KCNQ5: variants seen among roughly 807,000 people sequenced by gnomAD.
KCNQ5 encodes the protein potassium voltage-gated channel subfamily KQT member 5.
Under a neutral mutation model 98.2 loss-of-function variants are expected in KCNQ5, and 30 were observed. That is an observed-to-expected ratio of 0.31 (90% CI 0.23 to 0.41). The LOEUF (loss-of-function observed/expected upper bound fraction) is 0.41, where lower values mean the gene tolerates loss of function less well. Ranked by LOEUF, KCNQ5 falls within the 10% of genes least tolerant of loss-of-function variation. The probability of loss-of-function intolerance (pLI) is 1.00; values close to 1 mark genes in which losing one functional copy is unlikely to be tolerated. For missense variants in KCNQ5, 835 were observed against 1,182.5 expected (o/e 0.71, Z 4.31); for synonymous variants, 458 against 449.4 (o/e 1.02, Z -0.24).
chr6:73,058,141 G>A (rs571424016), intron 3 of KCNQ5, among the ~76,000 whole-genome samples: 16 of 152,272 alleles, frequency 1.1e-4, no homozygotes, highest in Non-Finnish European at 1.3e-4. Flanking sequence ...GGCCGGGCAC[G>A]GTGGCTCACG....
At chr6:72,961,621 C>CA (rs56813781) in intron 1 of KCNQ5, among the ~76,000 whole-genome samples, 11,691 of 68,448 alleles carry the variant, frequency 0.17, 993 homozygotes, top group East Asian at 0.28. Context: ...GACTCCGTCT[C>CA]AAAAAAAAAA....
intron 1 of KCNQ5, among the ~76,000 whole-genome samples, chr6:72,847,253 C>T (rs1317712803): frequency 2.0e-5 from 3 of 152,180 alleles, no homozygotes; most frequent in Non-Finnish European, 4.4e-5. Flanking sequence ...CAATCTCCGC[C>T]TTGTGGGTTC....
chr6:72,775,740 C>A (rs116652352), intron 1 of KCNQ5, among the ~76,000 whole-genome samples: 2 of 152,142 alleles, frequency 1.3e-5, no homozygotes, highest in African/African-American at 4.8e-5. Context: ...AAACCCATAA[C>A]CCCAGTCCCA....
chr6:72,845,374 CT>C (rs1776975910), intron 1 of KCNQ5, among the ~76,000 whole-genome samples: 1 of 152,124 alleles, frequency 6.6e-6, no homozygotes. Flanking sequence ...TAGAAGAGAT[CT>C]TTTTAGAACA....
chr6:72,761,649 C>A (rs1772284511), intron 1 of KCNQ5, among the ~76,000 whole-genome samples: 1 of 151,348 alleles, frequency 6.6e-6, no homozygotes, highest in Non-Finnish European at 1.5e-5. Context: ...CTTTATATGT[C>A]ATTTTGTTTT....
chr6:72,912,487 A>G (rs1257781185), intron 1 of KCNQ5, among the ~76,000 whole-genome samples: 15 of 152,148 alleles, frequency 9.9e-5, no homozygotes, highest in Non-Finnish European at 2.9e-5. Flanking sequence ...AGAGGTTTCT[A>G]GCCTTGTGTA....
At position 73,031,782 on chromosome 6, in the gene KCNQ5, A is replaced by G. The variant is rs140350482; in HGVS notation, c.490-10154A>G. ...TGAATTCATGAAAAGCAGAACATCT[A>G]GAAATGAAGTCAACATTGCAGAGAA... is the stretch of plus-strand genomic sequence containing the variant. On this transcript the variant is annotated intron_variant, in intron 2 of 13. Transcript: ENST00000370398. Among the ~76,000 whole-genome samples the G allele has an allele frequency of 5.3e-5, 8 of 152,356 alleles. No homozygotes were observed. The East Asian group carries it at 1.3e-3, about 26-fold the overall frequency.
At chr6:72,972,791 T>A (rs553539468) in intron 1 of KCNQ5, among the ~76,000 whole-genome samples, 12 of 152,300 alleles carry the variant, frequency 7.9e-5, no homozygotes, top group Middle Eastern at 3.4e-3. Flanking sequence ...AAAGGCCTAA[T>A]CTCAGGGGCA....
At chr6:73,137,386 C>G (rs1776515458) in intron 10 of KCNQ5, among the ~76,000 whole-genome samples, 1 of 152,140 alleles carries the variant, frequency 6.6e-6, no homozygotes, top group African/African-American at 2.4e-5. Flanking sequence ...AAAGTAAACT[C>G]TAAAGGACTG....
intron 2 of KCNQ5, among the ~76,000 whole-genome samples, chr6:73,024,730 T>C (rs533708474): frequency 6.6e-6 from 1 of 152,320 alleles, no homozygotes; most frequent in East Asian, 1.9e-4. Context: ...GACTGACATT[T>C]CAGATGAACA....
At chr6:73,055,123 C>A (rs1288081087) in intron 3 of KCNQ5, 1 of 754,940 alleles carries the variant, frequency 1.3e-6, no homozygotes, top group African/African-American at 1.7e-5. Context: ...TGGTGCAGAT[C>A]CAGCACAGCG....
chr6:72,675,299 T>A (rs1767354674), intron 1 of KCNQ5, among the ~76,000 whole-genome samples: 2 of 152,168 alleles, frequency 1.3e-5, no homozygotes, highest in African/African-American at 4.8e-5. Context: ...ATACTTTCTA[T>A]CCAAGGGACT....
At chr6:72,981,791 C>T (rs1768469745) in intron 1 of KCNQ5, among the ~76,000 whole-genome samples, 1 of 152,128 alleles carries the variant, frequency 6.6e-6, no homozygotes. Context: ...CTCTTGTGGG[C>T]ATTTAGTGCT....
intron 12 of KCNQ5, among the ~76,000 whole-genome samples, chr6:73,191,960 T>C (rs1465373125): frequency 6.6e-6 from 1 of 152,208 alleles, no homozygotes; most frequent in East Asian, 1.9e-4. Context: ...TTCTGTAACA[T>C]CTGTAACATG....
At chr6:72,658,667 G>T (rs1265908971) in intron 1 of KCNQ5, among the ~76,000 whole-genome samples, 1 of 144,306 alleles carries the variant, frequency 6.9e-6, no homozygotes, top group Non-Finnish European at 1.5e-5. Context: ...TGCAACCTCC[G>T]TCTCTCGGGC....
chr6:72,971,962 A>G (rs1767922793), intron 1 of KCNQ5, among the ~76,000 whole-genome samples: 1 of 152,218 alleles, frequency 6.6e-6, no homozygotes, highest in South Asian at 2.1e-4. Flanking sequence ...CATTGTGCAC[A>G]TATACCCTAG....
intron 1 of KCNQ5, among the ~76,000 whole-genome samples, chr6:72,918,087 C>G (rs1228033006): frequency 6.6e-6 from 1 of 152,096 alleles, no homozygotes; most frequent in African/African-American, 2.4e-5. Flanking sequence ...CCAGGGGGAA[C>G]AGACTGTATG....
In KCNQ5 at chr6:72,987,102, C is replaced by A. The variant is rs1210586133; in HGVS notation, c.399-16806C>A. 2.6e-5 allele frequency: 17 copies of A among 660,900 alleles called. No individual in the cohort carries two copies. The East Asian group carries it at 4.0e-4, about 15-fold the overall frequency. 40.9% of individuals were successfully genotyped at this position (660,900 alleles called of 1,614,324 possible). On this transcript the variant is annotated intron_variant, in intron 1 of 13. Transcript: ENST00000370398. ...AAGTAAAACGAAGCCAAAGTTGAGG[C>A]TCCGGAATACATCCATCCCCAAAGG...
In KCNQ5 at chr6:73,031,781, T is replaced by C. The variant is rs1771159793; in HGVS notation, c.490-10155T>C. Among the ~76,000 whole-genome samples, 3 of 152,190 alleles carry C rather than the reference T, an allele frequency of 2.0e-5. No homozygotes were observed. In the South Asian group the frequency reaches 6.2e-4, roughly 32 times the overall value. On this transcript the variant is annotated intron_variant, in intron 2 of 13. Coordinates refer to ENST00000370398, the MANE Select transcript of KCNQ5 (RefSeq NM_019842.4). ...ATGAATTCATGAAAAGCAGAACATC[T>C]AGAAATGAAGTCAACATTGCAGAGA...
Sources: allele counts gnomAD v4.1 joint callset (sites outside exome capture counted in the v4.1 genomes callset), GRCh38; gene constraint gnomAD v4.1.1; transcripts MANE v1.5; gene names NCBI Gene and HGNC (gene_info 2026-07-23, HGNC 2026-07-21).